SYN3: variants seen among roughly 807,000 people sequenced by gnomAD.
SYN3 encodes the protein synapsin III, also known as synapsin-3.
SYN3 carries 35 observed loss-of-function variants against 65.8 expected under a neutral mutation model. The ratio of observed to expected loss-of-function variants is 0.53; its 90% CI spans 0.41 to 0.70. The LOEUF (loss-of-function observed/expected upper bound fraction) is 0.70. Ranked by LOEUF, SYN3 falls within the 30% of genes least tolerant of loss-of-function variation. The pLI is 0.00. For missense variants in SYN3, 680 were observed against 749.0 expected (o/e 0.91, Z 1.08); for synonymous variants, 270 against 292.9 (o/e 0.92, Z 0.80).
intron 4 of SYN3, among the ~76,000 whole-genome samples, chr22:32,930,363 T>C (rs904016272): frequency 9.2e-5 from 14 of 152,176 alleles, no homozygotes; most frequent in Non-Finnish European, 7.3e-5. Context: ...AGGTAAGATA[T>C]GCCTTTCACC....
At chr22:32,999,148 G>A (rs187580032) in intron 2 of SYN3, among the ~76,000 whole-genome samples, 47 of 152,344 alleles carry the variant, frequency 3.1e-4, no homozygotes, top group Non-Finnish European at 6.5e-4. Context: ...GCGCCTGCAT[G>A]ATGCGCCAGC....
In SYN3 at chr22:32,651,208, C is replaced by G. The variant is rs530316874; in HGVS notation, c.712-54472G>C. 2.0e-5 allele frequency among the ~76,000 whole-genome samples: 3 copies of G among 152,320 alleles called. No homozygotes were observed. The South Asian group carries it at 6.2e-4, about 32-fold the overall frequency. On this transcript the variant is annotated intron_variant, in intron 6 of 13. Coordinates refer to ENST00000358763, the MANE Select transcript of SYN3 (RefSeq NM_003490.4). ...GTCAGTGAGTCTACTAAACACACTG[C>G]TCTTGGTAGGAGACATTTTCGCTTG...
intron 6 of SYN3, among the ~76,000 whole-genome samples, chr22:32,846,312 T>C (rs1309891082): frequency 1.3e-5 from 2 of 152,252 alleles, no homozygotes; most frequent in Non-Finnish European, 2.9e-5. Context: ...CACCTCTCCC[T>C]GAAGTTCTGT....
intron 7 of SYN3, among the ~76,000 whole-genome samples, chr22:32,596,180 A>G (rs2059196333): frequency 6.6e-6 from 1 of 152,128 alleles, no homozygotes; most frequent in Admixed American, 6.5e-5. Context: ...CACAGTTGAA[A>G]GTTTCCTGAG....
intron 3 of SYN3, among the ~76,000 whole-genome samples, chr22:32,970,985 T>C (rs1363631029): frequency 6.6e-6 from 1 of 152,252 alleles, no homozygotes; most frequent in Non-Finnish European, 1.5e-5. Context: ...GTCACATGCC[T>C]GGGCAATTTA....
At chr22:32,902,027 A>C (rs1165478174) in intron 4 of SYN3, among the ~76,000 whole-genome samples, 5 of 152,164 alleles carry the variant, frequency 3.3e-5, no homozygotes, top group Admixed American at 3.3e-4. Context: ...GAGATCTGGG[A>C]GGCTGCACAG....
chr22:32,885,567 C>CTTT (rs5845047), intron 4 of SYN3, among the ~76,000 whole-genome samples: 4 of 147,410 alleles, frequency 2.7e-5, no homozygotes, highest in Admixed American at 1.4e-4. Context: ...CTTCCCTTTC[C>CTTT]TTTTTTTTTT....
At chr22:32,548,318 G>A (rs576767047) in intron 7 of SYN3, among the ~76,000 whole-genome samples, 55 of 152,356 alleles carry the variant, frequency 3.6e-4, no homozygotes, top group African/African-American at 1.3e-3. Flanking sequence ...GCCTGGCAAA[G>A]TGCTGGGATT....
intron 2 of SYN3, 38 bp from the exon 3 acceptor site, chr22:32,980,740 G>T: frequency 6.3e-7 from 1 of 1,597,598 alleles, no homozygotes; most frequent in Non-Finnish European, 8.6e-7. Flanking sequence ...AAGGATGCAG[G>T]CTGTTTTACT....
chr22:32,552,729 C>G (rs541496074), intron 7 of SYN3, among the ~76,000 whole-genome samples: 239 of 152,250 alleles, frequency 1.6e-3, no homozygotes, highest in African/African-American at 5.2e-3. Context: ...CCCATTCTTG[C>G]AATAAAATCA....
chr22:32,693,062 A>T (rs1291135709), intron 6 of SYN3, among the ~76,000 whole-genome samples: 1 of 151,988 alleles, frequency 6.6e-6, no homozygotes, highest in African/African-American at 2.4e-5. Context: ...GAAACCTCAG[A>T]TAGTACTGAA....
At position 32,930,202 on chromosome 22, in the gene SYN3, TC is replaced by T. The variant is rs546100201; in HGVS notation, c.461+1187del. Among the ~76,000 whole-genome samples, 29 of 152,284 alleles carry T rather than the reference TC, an allele frequency of 1.9e-4. No individual in the cohort carries two copies. In the South Asian group the frequency reaches 5.2e-3, roughly 27 times the overall value. On this transcript the variant is annotated intron_variant, in intron 4 of 13. Coordinates refer to ENST00000358763, the MANE Select transcript of SYN3 (RefSeq NM_003490.4). ...TTGTAGCTCCCACAATTCCCATGTG[TC>T]ATGGGAGGGACCTGGTGGGAGGTAA...
At chr22:33,030,080 C>T (rs993533773) in intron 1 of SYN3, among the ~76,000 whole-genome samples, 3 of 152,148 alleles carry the variant, frequency 2.0e-5, no homozygotes, top group Non-Finnish European at 4.4e-5. Context: ...CCTGTGCAAA[C>T]CCATCACTGT....
intron 6 of SYN3, among the ~76,000 whole-genome samples, chr22:32,817,208 ACT>A (rs541565467): frequency 4.6e-4 from 69 of 148,792 alleles, no homozygotes; most frequent in Non-Finnish European, 8.2e-4. Flanking sequence ...ACAGAGCAAG[ACT>A]CTATCTCAAA....
intron 6 of SYN3, among the ~76,000 whole-genome samples, chr22:32,731,384 C>G (rs767970127): frequency 6.6e-6 from 1 of 152,166 alleles, no homozygotes; most frequent in Non-Finnish European, 1.5e-5. Context: ...TTTCTGACAC[C>G]TCCAGCTCCA....
intron 2 of SYN3, among the ~76,000 whole-genome samples, chr22:33,000,191 C>A (rs1411097808): frequency 6.6e-6 from 1 of 152,108 alleles, no homozygotes; most frequent in African/African-American, 2.4e-5. Flanking sequence ...CACAGTGAAA[C>A]CCCACCTCAT....
At chr22:32,934,351 AG>A (rs945490044) in intron 3 of SYN3, among the ~76,000 whole-genome samples, 15 of 152,184 alleles carry the variant, frequency 9.9e-5, no homozygotes, top group African/African-American at 3.6e-4. Flanking sequence ...CCTGGAGAGA[AG>A]TCACACTCAG....
intron 3 of SYN3, among the ~76,000 whole-genome samples, chr22:32,975,539 G>T (rs1468790935): frequency 6.6e-6 from 1 of 152,072 alleles, no homozygotes; most frequent in Non-Finnish European, 1.5e-5. Context: ...AAGCAGTCCT[G>T]CCTGGGCCTC....
At chr22:32,955,666 T>C (rs1485557245) in intron 3 of SYN3, among the ~76,000 whole-genome samples, 1 of 152,104 alleles carries the variant, frequency 6.6e-6, no homozygotes, top group Non-Finnish European at 1.5e-5. Flanking sequence ...CTTGTGATGG[T>C]TAATACTGAG....
Sources: allele counts gnomAD v4.1 joint callset (sites outside exome capture counted in the v4.1 genomes callset), GRCh38; gene constraint gnomAD v4.1.1; transcripts MANE v1.5; gene names NCBI Gene and HGNC (gene_info 2026-07-23, HGNC 2026-07-21).